The following TDRD12 variants were observed in gnomAD, a reference collection of about 807,000 sequenced individuals.
TDRD12 encodes putative ATP-dependent RNA helicase TDRD12.
TDRD12 carries 158 observed loss-of-function variants against 133.5 expected under a neutral mutation model. The observed-to-expected ratio is 1.18, with a 90% CI of 1.04 to 1.35. The LOEUF (loss-of-function observed/expected upper bound fraction) is 1.35. Ranked by LOEUF, TDRD12 falls within the 40% of genes most tolerant of loss-of-function variation. The pLI, the probability that TDRD12 is intolerant of heterozygous loss-of-function variation, is 0.00. For missense variants in TDRD12, 1,443 were observed against 1,321.3 expected, an observed-to-expected ratio of 1.09 and a Z score of -1.43; for synonymous variants, 460 against 477.9, an observed-to-expected ratio of 0.96 and a Z score of 0.49.
chr19:32,777,345 T>A, intron 11 of TDRD12, 116 bp downstream of exon 11: 1 of 708,962 alleles, frequency 1.4e-6, no homozygotes, highest in Non-Finnish European at 2.2e-6. Flanking sequence ...CATCAAAAAA[T>A]AAATGTACAG....
At chr19:32,729,777 T>C (rs1968983532) in intron 1 of TDRD12, among the ~76,000 whole-genome samples, 1 of 136,164 alleles carries the variant, frequency 7.3e-6, no homozygotes, top group Admixed American at 7.5e-5. Context: ...TTTTTCTTTT[T>C]CTTTTTTTTT....
Position 32,772,739 on chromosome 19 carries a change from T to C in TDRD12, c.866-14T>C, listed in dbSNP as rs1970474813. 2.1e-6 allele frequency: 3 copies of C among 1,462,378 alleles called. No individual in the cohort carries two copies. Among genetic ancestry groups the C allele is most frequent in the Non-Finnish European group, 9.1e-7 (1 of 1,099,826 alleles). 90.6% of individuals were successfully genotyped at this position (1,462,378 alleles called of 1,614,324 possible). On this transcript the variant is annotated splice_polypyrimidine_tract_variant and intron_variant, in intron 8 of 27. Coordinates refer to ENST00000444215, the Ensembl canonical transcript of TDRD12. ...TTTTGGTGTAGCTTTTTTATTACCATTTTTATTTTGCAGACAAAGCTGTAA... is the reference window on the plus strand; with the variant it reads ...TTTTGGTGTAGCTTTTTTATTACCACTTTTATTTTGCAGACAAAGCTGTAA...
At position 32,756,121 on chromosome 19, in the gene TDRD12, A is replaced by G. The variant is rs184972304; in HGVS notation, c.712A>G (p.Asn238Asp). Residue 238 changes from asparagine (N) to aspartate (D), a missense_variant, in exon 7 of 28, where the codon AAT becomes GAT. Coordinates refer to ENST00000444215, the Ensembl canonical transcript of TDRD12. Reference sequence around the variant, plus strand: ...ATCAGCACCCTCCTTCAATAAACTCAATCCAGCACTTACACTCTGGCCAAT... The same window carrying G: ...ATCAGCACCCTCCTTCAATAAACTCGATCCAGCACTTACACTCTGGCCAAT... The G allele has an allele frequency of 8.1e-6, 12 of 1,473,122 alleles. No homozygotes were observed. The East Asian group carries it at 3.0e-4, about 37-fold the overall frequency. 91.3% of individuals were successfully genotyped at this position (1,473,122 alleles called of 1,614,324 possible).
chr19:32,757,310 G>C (rs1028492237), intron 8 of TDRD12, among the ~76,000 whole-genome samples, 180 bp downstream of exon 8: 5 of 152,118 alleles, frequency 3.3e-5, no homozygotes, highest in Non-Finnish European at 7.4e-5. Context: ...TTCATACTTA[G>C]AAATTTTACT....
At chr19:32,761,904 T>TCA (rs1970161575) in intron 8 of TDRD12, among the ~76,000 whole-genome samples, 3 of 152,014 alleles carry the variant, frequency 2.0e-5, no homozygotes, top group Non-Finnish European at 4.4e-5. Flanking sequence ...CAGGCTGGTC[T>TCA]TGAACTCATG....
intron 8 of TDRD12, 25 bp from the exon 31 acceptor site, chr19:32,826,420 A>C (rs1466577599): frequency 5.7e-6 from 7 of 1,236,410 alleles, no homozygotes; most frequent in Non-Finnish European, 7.1e-6. Flanking sequence ...TAAAAGGCTG[A>C]CTTTATTTCT....
chr19:32,760,264 A>G (rs1343696429), intron 8 of TDRD12, among the ~76,000 whole-genome samples: 2 of 152,230 alleles, frequency 1.3e-5, no homozygotes. Context: ...GAACAATAAC[A>G]AAAAAGATAA....
At position 32,776,753 on chromosome 19, in the gene TDRD12, T is replaced by C. The variant is rs566789103; in HGVS notation, c.1041-396T>C. Among the ~76,000 whole-genome samples, 11 of 152,368 alleles carry C rather than the reference T, an allele frequency of 7.2e-5. No individual in the cohort carries two copies. In the East Asian group the frequency reaches 2.1e-3, roughly 29 times the overall value. Reference sequence around the variant, plus strand: ...CACCACCAGAAGTGTCAGAAATGACTTTTATACTTAAAGGACTAAGCTCCA... The same window carrying C: ...CACCACCAGAAGTGTCAGAAATGACCTTTATACTTAAAGGACTAAGCTCCA... On this transcript the variant is annotated intron_variant, in intron 10 of 27. Coordinates refer to ENST00000444215, the Ensembl canonical transcript of TDRD12.
chr19:32,741,199 A>T (rs1395935878), intron 3 of TDRD12, among the ~76,000 whole-genome samples: 1 of 152,198 alleles, frequency 6.6e-6, no homozygotes, highest in Non-Finnish European at 1.5e-5. Context: ...CTCCTGCCTC[A>T]GTCTCCCGAG....
At chr19:32,812,489 T>A (rs1967041741) in intron 24 of TDRD12, among the ~76,000 whole-genome samples, 1 of 152,254 alleles carries the variant, frequency 6.6e-6, no homozygotes, top group Non-Finnish European at 1.5e-5. Context: ...AATGTTTCCA[T>A]GATACAGGAT....
exon 10 of TDRD12, chr19:32,827,214 A>C (rs1389359422): frequency 1.7e-5 from 21 of 1,232,000 alleles, no homozygotes; most frequent in Non-Finnish European, 2.0e-5. Context: ...GGTTGAAGAC[A>C]GTAGCAGCAC....
intron 11 of TDRD12, among the ~76,000 whole-genome samples, chr19:32,782,921 C>T (rs1435145802): frequency 6.6e-6 from 1 of 152,020 alleles, no homozygotes; most frequent in Non-Finnish European, 1.5e-5. Context: ...GTAGGCTGTT[C>T]ATTATGATGA....
At chr19:32,816,720 T>TG (rs1390259790) in intron 26 of TDRD12, among the ~76,000 whole-genome samples, 1 of 152,128 alleles carries the variant, frequency 6.6e-6, no homozygotes, top group Non-Finnish European at 1.5e-5. Flanking sequence ...TCTCCTCCCA[T>TG]GGGGGGCATT....
intron 6 of TDRD12, among the ~76,000 whole-genome samples, chr19:32,752,861 C>T (rs1435202687): frequency 4.1e-5 from 6 of 147,316 alleles, no homozygotes; most frequent in Middle Eastern, 3.5e-3. Flanking sequence ...GGCGCGATCT[C>T]GGCTCACTGC....
chr19:32,739,836 ACT>A (rs1342700454), intron 3 of TDRD12, among the ~76,000 whole-genome samples: 1 of 64,584 alleles, frequency 1.5e-5, no homozygotes, highest in Non-Finnish European at 2.8e-5. Context: ...TCTCCTGGGC[ACT>A]CTCTGCATCT....
At chr19:32,748,335 G>T (rs1969717113) in intron 4 of TDRD12, 141 bp from the exon 5 acceptor site, 7 of 789,880 alleles carry the variant, frequency 8.9e-6, no homozygotes, top group Non-Finnish European at 1.4e-5. Flanking sequence ...CCAGAGCAGG[G>T]CCAGTGCCAG....
chr19:32,807,386 T>A (rs1971585208), intron 21 of TDRD12, 163 bp from the exon 22 acceptor site: 1 of 424,506 alleles, frequency 2.4e-6, no homozygotes, highest in Non-Finnish European at 4.1e-6. Context: ...ATTTGTATAT[T>A]ATTAATGTCA....
intron 10 of TDRD12, among the ~76,000 whole-genome samples, chr19:32,774,534 T>C (rs1283245232): frequency 3.9e-5 from 6 of 152,124 alleles, no homozygotes; most frequent in Admixed American, 6.6e-5. Flanking sequence ...GAATTCTAGG[T>C]TGACAGCACT....
At chr19:32,784,831 C>A (rs1313110508) in intron 11 of TDRD12, among the ~76,000 whole-genome samples, 1 of 152,038 alleles carries the variant, frequency 6.6e-6, no homozygotes, top group East Asian at 1.9e-4. Context: ...GTGGTGATAT[C>A]CCCTTTATCA....
Sources: gnomAD v4.1 joint callset for allele counts (sites outside exome capture counted in the v4.1 genomes callset) on GRCh38, gnomAD v4.1.1 for gene constraint, MANE v1.5 for transcripts, NCBI Gene and HGNC (gene_info 2026-07-23, HGNC 2026-07-21) for gene names.